Variants in KDM4A observed in about 807,000 individuals in gnomAD.
KDM4A encodes the protein lysine-specific demethylase 4A.
Under a neutral mutation model 127.1 loss-of-function variants are expected in KDM4A, and 23 were observed. That is an observed-to-expected ratio of 0.18 (90% CI 0.13 to 0.26). The LOEUF is 0.26. Among genes scored for constraint, KDM4A ranks in the 10% least tolerant of loss-of-function variants. The pLI is 1.00. For missense variants in KDM4A, 890 were observed against 1,329.1 expected, an observed-to-expected ratio of 0.67 and a Z score of 5.14; for synonymous variants, 443 against 466.5, an observed-to-expected ratio of 0.95 and a Z score of 0.65.
intron 12 of KDM4A, among the ~76,000 whole-genome samples, chr1:43,687,569 T>TCTAG (rs1661016062): frequency 6.6e-6 from 1 of 152,242 alleles, no homozygotes; most frequent in African/African-American, 2.4e-5. Flanking sequence ...GCATAGCAAC[T>TCTAG]CTAGCTTCAT....
chr1:43,672,146 G>A (rs529312942), intron 11 of KDM4A, among the ~76,000 whole-genome samples: 1 of 152,196 alleles, frequency 6.6e-6, no homozygotes, highest in African/African-American at 2.4e-5. Context: ...AATGCAGCCT[G>A]AGTCACAGCA....
rs376564852 is a variant in KDM4A, at chr1:43,679,058, C to G, written c.1735-4626C>G. Among the ~76,000 whole-genome samples, 87 of 152,240 alleles carry G rather than the reference C, an allele frequency of 5.7e-4. 1 individual carries two copies. Among genetic ancestry groups the G allele is most frequent in the African/African-American group, 1.7e-3 (71 of 41,554 alleles). On this transcript the variant is annotated intron_variant, in intron 11 of 21. Transcript: ENST00000372396. ...TGGGGAATTTATCTCTGAGGGTCGC[C>G]TAGAGTAGTCAGATAACTACCTCTG...
At chr1:43,699,064 C>T (rs1358529500) in intron 19 of KDM4A, among the ~76,000 whole-genome samples, 1 of 150,816 alleles carries the variant, frequency 6.6e-6, no homozygotes, top group South Asian at 2.1e-4. Context: ...GGTGGGATTA[C>T]AGGCGTGAGC....
chr1:43,693,855 C>T lies in KDM4A; in HGVS notation c.2376-139C>T. On this transcript the variant is annotated intron_variant, in intron 16 of 21. Transcript: ENST00000372396. This position sits in a 1 kb window ranked among gnomAD's most constrained non-coding sequence, Gnocchi z 4.2. ...GAGGAGAGACGGTTCTGGTTCTCAC[C>T]TTCCTGGGTCCCAGGCATGTGCTGG... The T allele has an allele frequency of 4.5e-6, 3 of 659,642 alleles. No individual in the cohort carries two copies. The highest frequency in any genetic ancestry group is 3.7e-5 in the South Asian group (2 of 53,498). The allele number at this position is 659,642 out of a possible 1,614,324, so 40.9% of individuals were successfully genotyped here. A position where few individuals can be genotyped will look rare whatever the true frequency, so the allele number is the denominator to read the frequency against.
chr1:43,692,488 A>G (rs1661140368), intron 16 of KDM4A, among the ~76,000 whole-genome samples, 177 bp downstream of exon 16: 1 of 152,246 alleles, frequency 6.6e-6, no homozygotes, highest in South Asian at 2.1e-4. Context: ...AAGGGAGCCA[A>G]GCAGTCCCAG....
chr1:43,698,276 A>G (rs1266053710), intron 19 of KDM4A, among the ~76,000 whole-genome samples: 1 of 152,242 alleles, frequency 6.6e-6, no homozygotes, highest in African/African-American at 2.4e-5. Flanking sequence ...TGCCGTCTAA[A>G]TTATCCTTGA....
chr1:43,698,165 CTTT>C, intron 19 of KDM4A, 152 bp downstream of exon 19: 1 of 733,880 alleles, frequency 1.4e-6, no homozygotes, highest in Non-Finnish European at 2.1e-6. Context: ...CTGTACCAGT[CTTT>C]CTTTGCAAAG....
chr1:43,678,029 G>C (rs898221803), intron 11 of KDM4A, among the ~76,000 whole-genome samples: 1 of 152,094 alleles, frequency 6.6e-6, no homozygotes, highest in South Asian at 2.1e-4. Flanking sequence ...ACTGGATGGG[G>C]GTGAGTCAGA....
chr1:43,702,023 A>G (rs1661409695), intron 19 of KDM4A: 1 of 152,228 alleles, frequency 6.6e-6, no homozygotes, highest in Non-Finnish European at 1.5e-5. Flanking sequence ...ATGAGTGTAC[A>G]GTGGTGAAAA....
chr1:43,675,893 C>T (rs1442971717), intron 11 of KDM4A, among the ~76,000 whole-genome samples: 3 of 151,322 alleles, frequency 2.0e-5, no homozygotes, highest in African/African-American at 4.9e-5. Context: ...TCCAACATGG[C>T]GAAACCCCAT....
At chr1:43,673,200 C>T (rs934371408) in intron 11 of KDM4A, among the ~76,000 whole-genome samples, 1 of 152,104 alleles carries the variant, frequency 6.6e-6, no homozygotes, top group Non-Finnish European at 1.5e-5. Context: ...ACTCCCCAGC[C>T]TTGGAGCTTA....
intron 19 of KDM4A, among the ~76,000 whole-genome samples, chr1:43,698,238 T>C (rs115418360): frequency 6.6e-6 from 1 of 152,354 alleles, no homozygotes; most frequent in African/African-American, 2.4e-5. Flanking sequence ...ATCAGTATTT[T>C]CTGCAATTCC....
chr1:43,681,176 T>C (rs1472447890), intron 11 of KDM4A, among the ~76,000 whole-genome samples: 1 of 152,204 alleles, frequency 6.6e-6, no homozygotes, highest in African/African-American at 2.4e-5. Flanking sequence ...CGTTGCTGAG[T>C]GAGTCCCTTG....
chr1:43,685,542 G>A (rs1477484291), intron 12 of KDM4A, among the ~76,000 whole-genome samples: 5 of 152,036 alleles, frequency 3.3e-5, no homozygotes, highest in Non-Finnish European at 7.4e-5. Flanking sequence ...GCCGAGGCGG[G>A]TGGATCACAA....
rs1044002011 is a variant in KDM4A, at chr1:43,666,898, C to T, written c.778-56C>T. On this transcript the variant is annotated intron_variant, in intron 7 of 21. Coordinates refer to ENST00000372396, the MANE Select transcript of KDM4A (RefSeq NM_014663.3). ...TAAGTTGTGGTGGAGCTCAGAATTC[C>T]AGTTCTGTGGACTTCTGCCATTTGA... The T allele has an allele frequency of 3.5e-5, 56 of 1,589,454 alleles. No homozygotes were observed. The African/African-American group carries it at 6.5e-4, about 18-fold the overall frequency.
intron 11 of KDM4A, among the ~76,000 whole-genome samples, 176 bp downstream of exon 11, chr1:43,672,051 G>A (rs1204466853): frequency 2.0e-5 from 3 of 152,168 alleles, no homozygotes; most frequent in Non-Finnish European, 2.9e-5. Context: ...CAAAAGCCTG[G>A]GGTGGCATTC....
intron 11 of KDM4A, among the ~76,000 whole-genome samples, chr1:43,675,375 A>G (rs1035994656): frequency 1.3e-5 from 2 of 152,210 alleles, no homozygotes; most frequent in African/African-American, 4.8e-5. Context: ...GTTGTGGTAC[A>G]AGTGGGAGAG....
chr1:43,701,864 A>T (rs1442084552), intron 19 of KDM4A, among the ~76,000 whole-genome samples: 2 of 152,228 alleles, frequency 1.3e-5, no homozygotes, highest in African/African-American at 4.8e-5. Context: ...CAACACAGAT[A>T]GATTTCTTTG....
chr1:43,697,489 T>G (rs142077134), intron 18 of KDM4A, among the ~76,000 whole-genome samples: 14 of 152,224 alleles, frequency 9.2e-5, no homozygotes, highest in African/African-American at 3.4e-4. Context: ...GGGCACCTAT[T>G]GAGTCTCTCC....
Sources: allele counts gnomAD v4.1 joint callset (sites outside exome capture counted in the v4.1 genomes callset), GRCh38; gene constraint gnomAD v4.1.1; non-coding constraint Gnocchi (gnomAD v3.1); transcripts MANE v1.5; gene names NCBI Gene and HGNC (gene_info 2026-07-23, HGNC 2026-07-21).